Variants in HOMER1 observed in about 807,000 individuals in gnomAD.
The protein encoded by HOMER1 is homer protein homolog 1.
A neutral mutation model predicts 48.9 loss-of-function variants in HOMER1; 3 were observed. That is an observed-to-expected ratio of 0.06 (90% CI 0.03 to 0.16). The LOEUF is 0.16. Ranked by LOEUF, HOMER1 falls within the 10% of genes least tolerant of loss-of-function variation. The pLI, the probability that HOMER1 is intolerant of heterozygous loss-of-function variation, is 1.00. For synonymous variants in HOMER1, 134 were observed against 146.4 expected (o/e 0.92, Z 0.61); for missense variants, 247 against 411.4 (o/e 0.60, Z 3.46).
intron 5 of HOMER1, among the ~76,000 whole-genome samples, chr5:79,418,643 G>A (rs1420314452): frequency 6.6e-6 from 1 of 152,172 alleles, no homozygotes; most frequent in Non-Finnish European, 1.5e-5. Flanking sequence ...ATCTGGACCA[G>A]TGACTTGGGC....
At position 79,402,751 on chromosome 5, in the gene HOMER1, A is replaced by G. The variant is rs188640471; in HGVS notation, c.528-696T>C. Among the ~76,000 whole-genome samples the G allele has an allele frequency of 2.9e-4, 44 of 152,316 alleles. No individual in the cohort carries two copies. The East Asian group carries it at 7.9e-3, about 27-fold the overall frequency. On this transcript the variant is annotated intron_variant, in intron 5 of 8. Transcript: ENST00000334082. ...TTACGTGTGTCAAACCCTAAAGTAC[A>G]ATGTTATTCCTTAATGAAAACATAT...
At chr5:79,400,934 ATTTTTTTT>A (rs746813087) in intron 6 of HOMER1, among the ~76,000 whole-genome samples, 3 of 115,116 alleles carry the variant, frequency 2.6e-5, no homozygotes, top group African/African-American at 6.7e-5. Flanking sequence ...AAGAAAAAAG[ATTTTTTTT>A]TTTTTTTTTT....
At chr5:79,491,793 T>C (rs1028378268) in intron 1 of HOMER1, among the ~76,000 whole-genome samples, 1 of 152,212 alleles carries the variant, frequency 6.6e-6, no homozygotes, top group African/African-American at 2.4e-5. Context: ...CTATGTGAAA[T>C]AAACACTTTT....
intron 5 of HOMER1, among the ~76,000 whole-genome samples, chr5:79,434,161 A>T (rs1750506093): frequency 1.3e-5 from 2 of 152,102 alleles, no homozygotes; most frequent in Admixed American, 1.3e-4. Flanking sequence ...AACTCTCGAA[A>T]ATATGACAAC....
chr5:79,447,251 G>A, intron 3 of HOMER1, 106 bp from the exon 4 acceptor site: 1 of 677,802 alleles, frequency 1.5e-6, no homozygotes, highest in South Asian at 1.7e-5. Flanking sequence ...CTCTACACAA[G>A]CAATATAGCC....
rs376250063 is a variant in HOMER1, at chr5:79,402,303, C to T, written c.528-248G>A. 2.2e-4 allele frequency among the ~76,000 whole-genome samples: 33 copies of T among 151,948 alleles called. No individual in the cohort carries two copies. In the East Asian group the frequency reaches 5.4e-3, roughly 25 times the overall value. Reference sequence around the variant, plus strand: ...GCCCCAGCCTCCTGAGTAGCTGGGACTACAGGCACACGCCACCATGCCCAG... The same window carrying T: ...GCCCCAGCCTCCTGAGTAGCTGGGATTACAGGCACACGCCACCATGCCCAG... On this transcript the variant is annotated intron_variant, in intron 5 of 8. Coordinates refer to ENST00000334082, the MANE Select transcript of HOMER1 (RefSeq NM_004272.5).
chr5:79,465,165 C>T (rs781695770), intron 1 of HOMER1, among the ~76,000 whole-genome samples: 14 of 151,884 alleles, frequency 9.2e-5, no homozygotes, highest in Non-Finnish European at 1.6e-4. Context: ...CAAGACCTCG[C>T]CTCCATAAAA....
chr5:79,376,506 G>A (rs1315329468), intron 8 of HOMER1, among the ~76,000 whole-genome samples: 2 of 152,142 alleles, frequency 1.3e-5, no homozygotes, highest in Non-Finnish European at 2.9e-5. Flanking sequence ...CCTATTTATG[G>A]ATCACTTAGA....
At chr5:79,403,441 T>C (rs577554208) in intron 5 of HOMER1, among the ~76,000 whole-genome samples, 1 of 152,292 alleles carries the variant, frequency 6.6e-6, no homozygotes, top group South Asian at 2.1e-4. Flanking sequence ...TGATATGATG[T>C]ACAGAGAATG....
At chr5:79,434,218 A>G (rs1360978345) in intron 5 of HOMER1, among the ~76,000 whole-genome samples, 1 of 152,186 alleles carries the variant, frequency 6.6e-6, no homozygotes, top group Admixed American at 6.5e-5. Context: ...AAAAATTGTA[A>G]TGAACAAAAT....
intron 4 of HOMER1, among the ~76,000 whole-genome samples, chr5:79,442,246 A>C (rs142879625): frequency 5.0e-4 from 76 of 152,340 alleles, no homozygotes; most frequent in African/African-American, 1.8e-3. Context: ...GGAAATCAAA[A>C]CTAACAGATG....
chr5:79,378,694 T>C (rs1340978278), intron 8 of HOMER1, among the ~76,000 whole-genome samples: 1 of 152,078 alleles, frequency 6.6e-6, no homozygotes, highest in East Asian at 1.9e-4. Context: ...CCAAATGTCA[T>C]TCACTAGCAG....
At chr5:79,441,635 ATTTTT>A (rs543922245) in intron 4 of HOMER1, among the ~76,000 whole-genome samples, 1 of 152,080 alleles carries the variant, frequency 6.6e-6, no homozygotes, top group African/African-American at 2.4e-5. Context: ...ATGGTATTTT[ATTTTT>A]TTAATTTAAT....
intron 1 of HOMER1, among the ~76,000 whole-genome samples, chr5:79,476,813 T>TGAA (rs955020063): frequency 6.6e-6 from 1 of 152,092 alleles, no homozygotes; most frequent in African/African-American, 2.4e-5. Flanking sequence ...TAGACATGAA[T>TGAA]GAAGCATCGA....
rs1748726927 is a variant in HOMER1, at chr5:79,374,887, G to C, written c.*1122C>G. ...TTCAGAATATTGCCTTGTGAGGTTT[G>C]AATCAAGATGTGATTGATGTGTAGA... On this transcript the variant is annotated 3_prime_UTR_variant, in exon 9 of 9. Transcript: ENST00000334082. 1 of 152,114 alleles carries C rather than the reference G, an allele frequency of 6.6e-6. No homozygotes were observed. Among genetic ancestry groups the C allele is most frequent in the South Asian group, 2.1e-4 (1 of 4,826 alleles). 9.4% of individuals were successfully genotyped at this position (152,114 alleles called of 1,614,324 possible). A position where few individuals can be genotyped will look rare whatever the true frequency, so the allele number is the denominator to read the frequency against.
At chr5:79,443,648 A>G (rs1750799125) in intron 4 of HOMER1, among the ~76,000 whole-genome samples, 1 of 152,216 alleles carries the variant, frequency 6.6e-6, no homozygotes, top group Non-Finnish European at 1.5e-5. Flanking sequence ...TTAGTACTAT[A>G]TGCTAAGTAC....
intron 8 of HOMER1, among the ~76,000 whole-genome samples, chr5:79,387,799 T>A (rs1285358318): frequency 3.3e-5 from 5 of 152,234 alleles, no homozygotes; most frequent in African/African-American, 1.2e-4. Flanking sequence ...AGTGACTGTG[T>A]ACACTGCAAT....
chr5:79,410,741 T>C (rs1749795170), intron 5 of HOMER1, among the ~76,000 whole-genome samples: 1 of 152,082 alleles, frequency 6.6e-6, no homozygotes, highest in Admixed American at 6.6e-5. Flanking sequence ...ATCTAAGATA[T>C]CACATTTCTC....
chr5:79,465,082 G>T (rs889455775), intron 1 of HOMER1, among the ~76,000 whole-genome samples: 49 of 151,932 alleles, frequency 3.2e-4, no homozygotes, highest in Non-Finnish European at 1.9e-4. Flanking sequence ...CACCTCTGTA[G>T]TCCTAGTGCT....
Sources: gnomAD v4.1 joint callset for allele counts (sites outside exome capture counted in the v4.1 genomes callset) on GRCh38, gnomAD v4.1.1 for gene constraint, MANE v1.5 for transcripts, NCBI Gene and HGNC (gene_info 2026-07-23, HGNC 2026-07-21) for gene names.